Variants in SNRPN observed in about 807,000 individuals in gnomAD.
SNRPN encodes the protein small nuclear ribonucleoprotein-associated protein N.
In SNRPN, 7 loss-of-function variants were observed where a neutral mutation model predicts 25.2. The observed-to-expected ratio is 0.28, with a 90% CI of 0.16 to 0.52. The LOEUF is 0.52. Ranked by LOEUF, SNRPN falls within the 20% of genes least tolerant of loss-of-function variation. The pLI is 0.96. For missense variants in SNRPN, 196 were observed against 322.5 expected, an observed-to-expected ratio of 0.61 and a Z score of 3.00; for synonymous variants, 124 against 110.6, an observed-to-expected ratio of 1.12 and a Z score of -0.76.
intron 1 of SNRPN, among the ~76,000 whole-genome samples, chr15:24,961,772 G>T (rs966689444): frequency 1.3e-5 from 2 of 152,106 alleles, no homozygotes; most frequent in Non-Finnish European, 2.9e-5. Context: ...TGGGGGGAAG[G>T]TGAGTAGGGT....
intron 2 of SNRPN, among the ~76,000 whole-genome samples, chr15:24,919,145 A>G (rs574003929): frequency 2.1e-4 from 32 of 151,036 alleles, no homozygotes; most frequent in African/African-American, 7.0e-4. Flanking sequence ...AAAGTTATTC[A>G]ATTGCTGGGC....
At chr15:24,947,413 G>A (rs747889253) in intron 3 of SNRPN, among the ~76,000 whole-genome samples, 1 of 152,134 alleles carries the variant, frequency 6.6e-6, no homozygotes, top group Non-Finnish European at 1.5e-5. Flanking sequence ...AGTGGATCAC[G>A]AGGTCAGGAG....
intron 2 of SNRPN, among the ~76,000 whole-genome samples, chr15:24,901,256 G>C (rs1322724387): frequency 6.6e-6 from 1 of 152,126 alleles, no homozygotes; most frequent in African/African-American, 2.4e-5. Flanking sequence ...TGTACAATTT[G>C]TTTTAAAGGC....
intron 4 of SNRPN, chr15:24,974,972 G>GA (rs1320233737): frequency 1.1e-5 from 8 of 702,822 alleles, no homozygotes; most frequent in Non-Finnish European, 2.1e-5. Context: ...GATTACAATA[G>GA]AAATAAAGAG....
intron 2 of SNRPN, chr15:24,851,222 T>C (rs1470691785): frequency 6.6e-6 from 1 of 152,218 alleles, no homozygotes; most frequent in Non-Finnish European, 1.5e-5. Context: ...CAGTGCATGT[T>C]TGGGGCTCAT....
intron 1 of SNRPN, among the ~76,000 whole-genome samples, chr15:24,961,129 A>C (rs1015572231): frequency 1.3e-5 from 2 of 152,156 alleles, no homozygotes; most frequent in African/African-American, 4.8e-5. Flanking sequence ...CAGGTGTTAT[A>C]TTTAATAGAC....
intron 2 of SNRPN, among the ~76,000 whole-genome samples, chr15:24,915,096 T>C (rs1308475768): frequency 1.3e-5 from 2 of 151,952 alleles, no homozygotes; most frequent in Non-Finnish European, 2.9e-5. Flanking sequence ...GGTGATCAGA[T>C]ATCAAGGAGA....
upstream of SNRPN, among the ~76,000 whole-genome samples, chr15:24,953,025 T>C (rs1476339212): frequency 6.6e-6 from 1 of 152,216 alleles, no homozygotes; most frequent in Admixed American, 6.5e-5. Flanking sequence ...TTTGGTGAAG[T>C]TCTAAGAGCC....
In SNRPN at chr15:24,943,269, CACTCTTCTTCAGG is replaced by C. The variant is rs371057595; in HGVS notation, c.-390-18844_-390-18832del. The stretch of plus-strand genomic sequence containing the variant: ...ACCCACTGGGAGGATTTGTCTTCAC[CACTCTTCTTCAGG>C]GAGGTCTTCAGAAAGGCTCTGTAGT... On this transcript the variant is annotated intron_variant, in intron 3 of 11. Coordinates refer to the SNRPN transcript ENST00000400097. 9.3e-3 allele frequency among the ~76,000 whole-genome samples: 1,423 copies of C among 152,262 alleles called. 25 individuals carry two copies. The highest frequency in any genetic ancestry group is 0.033 in the African/African-American group (1,371 of 41,546).
intron 1 of SNRPN, among the ~76,000 whole-genome samples, chr15:24,864,031 TA>T (rs1233115240): frequency 6.8e-5 from 10 of 147,752 alleles, no homozygotes; most frequent in East Asian, 2.0e-4. Flanking sequence ...ATTTTATTAT[TA>T]TTTTTTTTTT....
intron 2 of SNRPN, chr15:24,848,834 A>T (rs993042592): frequency 1.3e-5 from 2 of 152,110 alleles, no homozygotes; most frequent in African/African-American, 4.8e-5. Context: ...TCATTATAAA[A>T]TACCGTGTTT....
At position 24,909,954 on chromosome 15, in the gene SNRPN, C is replaced by A. The variant is rs200267421; in HGVS notation, c.-504-10057C>A. 1,584 of 475,720 alleles carry A rather than the reference C, an allele frequency of 3.3e-3. 9 individuals are homozygous for A. Among genetic ancestry groups the A allele is most frequent in the Middle Eastern group, 0.013 (24 of 1,786 alleles). 29.5% of individuals were successfully genotyped at this position (475,720 alleles called of 1,614,324 possible). On this transcript the variant is annotated intron_variant, in intron 2 of 11. Coordinates refer to the SNRPN transcript ENST00000400097. ...TGGAACAAGGTATCTGTGTAAAATGCTTTTATTATTCAACCAGACTTTAGG... is the reference window on the plus strand; with the variant it reads ...TGGAACAAGGTATCTGTGTAAAATGATTTTATTATTCAACCAGACTTTAGG...
At chr15:24,939,586 C>T (rs977106851) in intron 3 of SNRPN, among the ~76,000 whole-genome samples, 1 of 151,996 alleles carries the variant, frequency 6.6e-6, no homozygotes, top group Non-Finnish European at 1.5e-5. Context: ...ATGTGCACCA[C>T]CATGCCTGGT....
intron 1 of SNRPN, among the ~76,000 whole-genome samples, chr15:24,958,202 G>GT (rs933363680): frequency 1.3e-5 from 2 of 151,922 alleles, no homozygotes; most frequent in African/African-American, 4.8e-5. Context: ...AAACATCTTT[G>GT]TTTTACAAAA....
chr15:24,853,307 C>T (rs1402298078), upstream of SNRPN, among the ~76,000 whole-genome samples: 1 of 152,106 alleles, frequency 6.6e-6, no homozygotes, highest in Non-Finnish European at 1.5e-5. Context: ...ATTTAGATGT[C>T]ATTCCTCTTT....
At chr15:24,905,406 G>C (rs2058732249) in intron 2 of SNRPN, among the ~76,000 whole-genome samples, 1 of 151,598 alleles carries the variant, frequency 6.6e-6, no homozygotes, top group Non-Finnish European at 1.5e-5. Flanking sequence ...CAGCTCAGGA[G>C]GCTGAGGCAG....
chr15:24,891,468 C>G (rs112906641), intron 2 of SNRPN, among the ~76,000 whole-genome samples: 1 of 150,642 alleles, frequency 6.6e-6, no homozygotes, highest in Non-Finnish European at 1.5e-5. Context: ...GACGGATTCT[C>G]GCTGTGTTGC....
At chr15:24,973,620 G>A (rs1046531593) in intron 3 of SNRPN, among the ~76,000 whole-genome samples, 2 of 152,048 alleles carry the variant, frequency 1.3e-5, no homozygotes, top group African/African-American at 4.8e-5. Flanking sequence ...GGCTGGTCTC[G>A]AACTCTTGAC....
intron 2 of SNRPN, among the ~76,000 whole-genome samples, chr15:24,891,853 T>C (rs2057706135): frequency 6.6e-6 from 1 of 152,228 alleles, no homozygotes; most frequent in African/African-American, 2.4e-5. Flanking sequence ...AGAGATCTTC[T>C]AGCTATCATT....
Sources: allele counts gnomAD v4.1 joint callset (sites outside exome capture counted in the v4.1 genomes callset), GRCh38; gene constraint gnomAD v4.1.1; transcripts MANE v1.5; gene names NCBI Gene and HGNC (gene_info 2026-07-23, HGNC 2026-07-21).